Variants in ATP11C observed in about 807,000 individuals in gnomAD.
ATP11C encodes the protein phospholipid-transporting ATPase IG.
ATP11C carries 36 observed loss-of-function variants against 97.4 expected under a neutral mutation model. The observed-to-expected ratio is 0.37, with a 90% CI of 0.28 to 0.49. ATP11C has a LOEUF of 0.49. Ranked by LOEUF, ATP11C falls within the 20% of genes least tolerant of loss-of-function variation. The pLI, the probability that ATP11C is intolerant of heterozygous loss-of-function variation, is 0.98. For missense variants in ATP11C, 730 were observed against 824.6 expected, an observed-to-expected ratio of 0.89 and a Z score of 1.40; for synonymous variants, 275 against 290.9, an observed-to-expected ratio of 0.95 and a Z score of 0.56.
intron 1 of ATP11C, among the ~76,000 whole-genome samples, chrX:139,830,916 G>T (rs1427511051): frequency 9.0e-6 from 1 of 111,023 alleles, no homozygotes; most frequent in Non-Finnish European, 1.9e-5. Flanking sequence ...CTGAAGGGGT[G>T]GGGGTATGGG....
chrX:139,894,331 G>A (rs2084774312), intron 1 of ATP11C, among the ~76,000 whole-genome samples: 1 of 112,156 alleles, frequency 8.9e-6, no homozygotes, highest in African/African-American at 3.2e-5. Context: ...AAGCTGGGAA[G>A]ACAGAAAAGG....
intron 19 of ATP11C, among the ~76,000 whole-genome samples, chrX:139,769,299 T>C (rs1305367317): frequency 1.5e-5 from 1 of 67,960 alleles, no homozygotes; most frequent in African/African-American, 6.4e-5. Flanking sequence ...TATATATATA[T>C]ATATATATAT....
At chrX:139,791,147 T>C (rs1466394193) in intron 12 of ATP11C, among the ~76,000 whole-genome samples, 2 of 103,140 alleles carry the variant, frequency 1.9e-5, no homozygotes, top group East Asian at 3.2e-4. Flanking sequence ...GGCACAAATA[T>C]AGCATTCCAA....
chrX:139,757,787 C>T (rs1467103888), intron 23 of ATP11C, 21 bp downstream of exon 23: 19 of 1,110,799 alleles, frequency 1.7e-5, no homozygotes, highest in Admixed American at 2.5e-5. Context: ...TATATTATAA[C>T]GAATAACTTG....
At chrX:139,863,378 CA>C (rs1371623523) in intron 1 of ATP11C, among the ~76,000 whole-genome samples, 1 of 110,227 alleles carries the variant, frequency 9.1e-6, no homozygotes, top group African/African-American at 3.3e-5. Context: ...ACTAAAAATA[CA>C]AAAATCAGCT....
At chrX:139,796,562 A>G (rs983898840) in intron 11 of ATP11C, 92 bp from the exon 12 acceptor site, 5 of 605,007 alleles carry the variant, frequency 8.3e-6, no homozygotes, top group Non-Finnish European at 1.3e-5. Flanking sequence ...TCTTTATTTC[A>G]ATGCTGAAAA....
At chrX:139,769,242 C>T (rs2082198771) in intron 19 of ATP11C, among the ~76,000 whole-genome samples, 1 of 78,941 alleles carries the variant, frequency 1.3e-5, no homozygotes, top group Non-Finnish European at 2.4e-5. Flanking sequence ...AACTCCCTAG[C>T]AATATAGGGA....
At chrX:139,878,256 C>G (rs900848532) in intron 1 of ATP11C, among the ~76,000 whole-genome samples, 1 of 111,375 alleles carries the variant, frequency 9.0e-6, no homozygotes, top group Non-Finnish European at 1.9e-5. Context: ...GTCTGGCACA[C>G]TGTTGTACTC....
intron 1 of ATP11C, among the ~76,000 whole-genome samples, chrX:139,884,340 C>CA (rs2084606185): frequency 9.0e-6 from 1 of 111,422 alleles, no homozygotes; most frequent in African/African-American, 3.3e-5. Flanking sequence ...AAGACAGTCT[C>CA]ACGTCATAAA....
chrX:139,763,892 TCC>T (rs2082085255), intron 20 of ATP11C, among the ~76,000 whole-genome samples: 2 of 112,021 alleles, frequency 1.8e-5, no homozygotes, highest in East Asian at 5.6e-4. Flanking sequence ...CACCCACTTG[TCC>T]TAGTTCTATG....
At chrX:139,901,854 C>T (rs531328114) in intron 1 of ATP11C, among the ~76,000 whole-genome samples, 1 of 111,169 alleles carries the variant, frequency 9.0e-6, no homozygotes, top group Non-Finnish European at 1.9e-5. Flanking sequence ...GCTTACACAC[C>T]TTCATGAGTG....
At chrX:139,751,184 G>A (rs997566603) in intron 23 of ATP11C, among the ~76,000 whole-genome samples, 1 of 111,957 alleles carries the variant, frequency 8.9e-6, no homozygotes, top group African/African-American at 3.3e-5. Context: ...CATTTACCGA[G>A]TGCCTACTAA....
At chrX:139,834,204 G>T (rs2083710680) in intron 1 of ATP11C, among the ~76,000 whole-genome samples, 1 of 111,886 alleles carries the variant, frequency 8.9e-6, no homozygotes, top group African/African-American at 3.3e-5. Context: ...CAGTGTTCAT[G>T]AAGAGGACTA....
chrX:139,931,268 G>A (rs1265077946), intron 1 of ATP11C, among the ~76,000 whole-genome samples: 1 of 112,203 alleles, frequency 8.9e-6, no homozygotes, highest in Non-Finnish European at 1.9e-5. Context: ...TCTGAAGGGG[G>A]TAAACGTGGA....
At position 139,796,999 on chromosome X, in the gene ATP11C, TTTTC is replaced by T. The variant is rs775945887; in HGVS notation, c.1008+173_1008+176del. Among the ~76,000 whole-genome samples, 963 of 111,588 alleles carry T rather than the reference TTTTC, an allele frequency of 8.6e-3. 14 individuals are homozygous for T. The highest frequency in any genetic ancestry group is 0.03 in the African/African-American group (915 of 30,778). ...GTTTTTTTTACAAAAAAAACTTTGT[TTTTC>T]TTTTTCTTTCTTTTACAATAAATCT... On this transcript the variant is annotated intron_variant, in intron 11 of 29. Transcript: ENST00000682941.
At chrX:139,869,254 G>A (rs1039050996) in intron 1 of ATP11C, among the ~76,000 whole-genome samples, 3 of 111,841 alleles carry the variant, frequency 2.7e-5, no homozygotes, top group Admixed American at 9.5e-5. Context: ...TAAAGAAAAC[G>A]TGGTATATTC....
chrX:139,764,268 T>C (rs1255487185), intron 20 of ATP11C, among the ~76,000 whole-genome samples: 1 of 112,690 alleles, frequency 8.9e-6, no homozygotes, highest in East Asian at 2.8e-4. Context: ...AGTAGCTGTA[T>C]TTTAAAAGAG....
At chrX:139,731,546 C>CA in intron 29 of ATP11C, 105 bp downstream of exon 29, 1 of 383,343 alleles carries the variant, frequency 2.6e-6, no homozygotes, top group Non-Finnish European at 4.3e-6. Flanking sequence ...TAAAGTTCAC[C>CA]ACACCAACAG....
intron 24 of ATP11C, among the ~76,000 whole-genome samples, chrX:139,746,241 C>T (rs762677555): frequency 2.7e-5 from 3 of 111,937 alleles, no homozygotes; most frequent in Admixed American, 1.9e-4. Context: ...AATAAGGAGC[C>T]TCAGAAAGGT....
Sources: gnomAD v4.1 joint callset for allele counts (sites outside exome capture counted in the v4.1 genomes callset) on GRCh38, gnomAD v4.1.1 for gene constraint, MANE v1.5 for transcripts, NCBI Gene and HGNC (gene_info 2026-07-23, HGNC 2026-07-21) for gene names.